Variants in BIVM observed in about 807,000 individuals in gnomAD.
BIVM encodes the protein basic, immunoglobulin-like variable motif containing, also known as basic immunoglobulin-like variable motif-containing protein.
In BIVM, 31 loss-of-function variants were observed where a neutral mutation model predicts 61.4. The ratio of observed to expected loss-of-function variants is 0.51; its 90% CI spans 0.38 to 0.68. The LOEUF (loss-of-function observed/expected upper bound fraction) is 0.68. Ranked by LOEUF, BIVM falls within the 30% of genes least tolerant of loss-of-function variation. The pLI, the probability that BIVM is intolerant of heterozygous loss-of-function variation, is 0.00. For synonymous variants in BIVM, 189 were observed against 210.7 expected, an observed-to-expected ratio of 0.90 and a Z score of 0.89; for missense variants, 526 against 596.0, an observed-to-expected ratio of 0.88 and a Z score of 1.22.
In BIVM at chr13:102,821,114, G is replaced by C; in HGVS notation, c.683G>C (p.Ser228Thr). Residue 228 changes from serine to threonine, a missense_variant, in exon 5 of 11, where the codon AGC becomes ACC. Transcript: ENST00000257336. ...ATTTCTTGTTGGAATTTCTTATACA[G>C]CACAATGGGAGCTGGAAAGTAAGTA... ...SLISCWNFLY[S>T]TMGAGNLPPI... is the part of the protein sequence containing the mutation. 5 of 1,612,374 alleles carry C rather than the reference G, an allele frequency of 3.1e-6. No individual in the cohort carries two copies. Among genetic ancestry groups the C allele is most frequent in the Non-Finnish European group, 3.4e-6 (4 of 1,179,596 alleles).
At position 102,830,471 on chromosome 13, in the gene BIVM, G is replaced by A. The variant is rs191731310; in HGVS notation, c.902-1094G>A. On this transcript the variant is annotated intron_variant, in intron 7 of 10. Transcript: ENST00000257336. The stretch of plus-strand genomic sequence containing the variant: ...ATGAAACCTCAGTTAATGGCTTTGA[G>A]TACTAAGTGCTGGTGAAAAGTCATT... Among the ~76,000 whole-genome samples the A allele has an allele frequency of 1.0e-3, 159 of 152,272 alleles. 2 individuals are homozygous for A. The Middle Eastern group carries it at 0.041, about 39-fold the overall frequency.
chr13:102,834,844 G>C (rs529221596), intron 9 of BIVM, among the ~76,000 whole-genome samples: 2 of 152,042 alleles, frequency 1.3e-5, no homozygotes, highest in Admixed American at 1.3e-4. Context: ...AATATCTTAA[G>C]TAACATTTTT....
rs2140492934 is a variant in BIVM at position 102,831,555 on chromosome 13, T to C, written c.902-10T>C. The C allele has an allele frequency of 6.2e-7, 1 of 1,614,072 alleles. No homozygotes were observed. The highest frequency in any genetic ancestry group is 1.6e-4 in the Middle Eastern group (1 of 6,062). Reference sequence around the variant, plus strand: ...GGCTTTCAGTTTGTGTGTTTGTTTGTTTTTAATAGCTTCAGGGGCCCTGTC... The same window carrying C: ...GGCTTTCAGTTTGTGTGTTTGTTTGCTTTTAATAGCTTCAGGGGCCCTGTC... On this transcript the variant is annotated splice_polypyrimidine_tract_variant and intron_variant, in intron 7 of 10. Transcript: ENST00000257336.
At position 102,839,595 on chromosome 13, in the gene BIVM, C is replaced by T; in HGVS notation, c.1242C>T (p.Ile414=). 1 of 1,614,168 alleles carries T rather than the reference C, an allele frequency of 6.2e-7. No homozygotes were observed. The highest frequency in any genetic ancestry group is 2.2e-5 in the East Asian group (1 of 44,884). ...TKKVGGNLHC[I]IAFQRLNWQR... ...AGGTTGGGGGAAATTTGCATTGCAT[C>T]ATAGCATTCCAGAGACTTAACTGGC... The change falls in exon 11 of 11, where the codon ATC becomes ATT. Residue 414 remains isoleucine, a synonymous_variant. Transcript: ENST00000257336.
chr13:102,838,713 G>A lies in BIVM; in HGVS notation c.1192G>A (p.Gly398Arg). Residue 398 changes from glycine (G) to arginine (R), a missense_variant, in exon 10 of 11, where the codon GGA (glycine) becomes AGA (arginine). Around this residue, in one of 3 missense-constraint regions of BIVM, gnomAD observed 210 missense variants for 233.1 expected, o/e 0.90. Transcript: ENST00000257336. Reference protein sequence around the residue: ...EYLDIRHLERGLQYRKTKKVG... With the variant: ...EYLDIRHLERRLQYRKTKKVG... ...CCTGGATATCCGGCACTTAGAGAGG[G>A]GACTGCAGTATAGAAAAACAAAGAA... 1.2e-6 allele frequency: 2 copies of A among 1,612,988 alleles called. No individual in the cohort carries two copies. Among genetic ancestry groups the A allele is most frequent in the Non-Finnish European group, 1.7e-6 (2 of 1,179,396 alleles).
Position 102,838,701 on chromosome 13 carries a change from C to T in BIVM, c.1180C>T (p.His394Tyr). 4 of 1,613,362 alleles carry T rather than the reference C, an allele frequency of 2.5e-6. No individual in the cohort carries two copies. The highest frequency in any genetic ancestry group is 3.4e-6 in the Non-Finnish European group (4 of 1,179,570). ...AAATCCAGAATACCTGGATATCCGG[C>T]ACTTAGAGAGGGGACTGCAGTATAG... ...TQNPEYLDIR[H>Y]LERGLQYRKT... The change falls in exon 10 of 11, where the codon CAC (histidine) becomes TAC (tyrosine). Residue 394 changes from histidine (H) to tyrosine (Y), a missense_variant. By Grantham distance (83) the His-to-Tyr change is moderately conservative (BLOSUM62 2). Around this residue, in one of 3 missense-constraint regions of BIVM, gnomAD observed 210 missense variants for 233.1 expected, o/e 0.90. Transcript: ENST00000257336.
chr13:102,820,980 C>T (rs1413996192), intron 4 of BIVM, 57 bp from the exon 5 acceptor site: 5 of 1,515,570 alleles, frequency 3.3e-6, no homozygotes, highest in South Asian at 2.4e-5. Flanking sequence ...TTTTCTATTT[C>T]TAGCATGCAT....
rs1488306310 is a variant in BIVM at position 102,812,546 on chromosome 13, A to G, written c.479-3882A>G. 2.6e-5 allele frequency among the ~76,000 whole-genome samples: 4 copies of G among 152,082 alleles called. No homozygotes were observed. In the East Asian group the frequency reaches 5.8e-4, roughly 22 times the overall value. On this transcript the variant is annotated intron_variant, in intron 3 of 10. Coordinates refer to ENST00000257336, the MANE Select transcript of BIVM (RefSeq NM_017693.4). ...TTTTAGTTTTTGTTTTTTGATTGCT[A>G]TAGGCTGTTTCTATGCTGGTAATCA...
chr13:102,817,500 A>G (rs1462671690), intron 4 of BIVM, among the ~76,000 whole-genome samples: 1 of 152,154 alleles, frequency 6.6e-6, no homozygotes, highest in African/African-American at 2.4e-5. Flanking sequence ...TTCTACATTG[A>G]CGAGTTCTTT....
At chr13:102,838,409 C>T (rs1225418160) in intron 9 of BIVM, among the ~76,000 whole-genome samples, 3 of 152,148 alleles carry the variant, frequency 2.0e-5, no homozygotes, top group Non-Finnish European at 2.9e-5. Flanking sequence ...TTTATTTATT[C>T]TGTAGGAAGA....
At chr13:102,837,764 G>A (rs577008340) in intron 9 of BIVM, among the ~76,000 whole-genome samples, 2 of 152,342 alleles carry the variant, frequency 1.3e-5, no homozygotes, top group African/African-American at 4.8e-5. Context: ...CTTGGGTGGA[G>A]CCGGAGGCCG....
intron 3 of BIVM, among the ~76,000 whole-genome samples, chr13:102,814,440 A>G (rs1879729707): frequency 6.6e-6 from 1 of 152,158 alleles, no homozygotes; most frequent in African/African-American, 2.4e-5. Context: ...AATAGGGGGC[A>G]AGGTCATGGA....
rs934619242 is a variant in BIVM at position 102,833,430 on chromosome 13, T to G, written c.1035-1036T>G. Among the ~76,000 whole-genome samples the G allele has an allele frequency of 3.5e-4, 51 of 147,622 alleles. 1 individual carries two copies. The highest frequency in any genetic ancestry group is 2.7e-3 in the Admixed American group (39 of 14,340). On this transcript the variant is annotated intron_variant, in intron 8 of 10. Coordinates refer to ENST00000257336, the MANE Select transcript of BIVM (RefSeq NM_017693.4). Reference sequence around the variant, plus strand: ...GCAGCCTCGACCTCCTGGGCTTAAGTGATCCTCCCACCTCAGCCTCCTGAG... The same window carrying G: ...GCAGCCTCGACCTCCTGGGCTTAAGGGATCCTCCCACCTCAGCCTCCTGAG...
chr13:102,811,693 T>C (rs1879507546), intron 3 of BIVM, among the ~76,000 whole-genome samples: 1 of 151,934 alleles, frequency 6.6e-6, no homozygotes, highest in African/African-American at 2.4e-5. Context: ...CTGGCTAATT[T>C]TGTATTTTTA....
At chr13:102,808,670 C>G (rs114580133) in intron 3 of BIVM, among the ~76,000 whole-genome samples, 1 of 152,030 alleles carries the variant, frequency 6.6e-6, no homozygotes, top group Non-Finnish European at 1.5e-5. Flanking sequence ...TAGGGCTATG[C>G]AAATCTTCTA....
chr13:102,830,040 G>T (rs1404719645), intron 7 of BIVM, among the ~76,000 whole-genome samples: 1 of 151,814 alleles, frequency 6.6e-6, no homozygotes, highest in Non-Finnish European at 1.5e-5. Flanking sequence ...CAGTGGTTTT[G>T]TTTTCTCCTA....
At chr13:102,829,168 T>TC (rs1880884629) in intron 7 of BIVM, among the ~76,000 whole-genome samples, 1 of 152,264 alleles carries the variant, frequency 6.6e-6, no homozygotes, top group African/African-American at 2.4e-5. Context: ...TATCTAGCAT[T>TC]CCTCTATAGA....
intron 5 of BIVM, 113 bp downstream of exon 5, chr13:102,821,245 C>A: frequency 1.1e-6 from 1 of 910,250 alleles, no homozygotes; most frequent in Non-Finnish European, 1.6e-6. Flanking sequence ...CAAAACCCTG[C>A]TGTATTTTAG....
intron 3 of BIVM, among the ~76,000 whole-genome samples, chr13:102,815,683 T>G (rs2139183241): frequency 6.6e-6 from 1 of 152,342 alleles, no homozygotes; most frequent in East Asian, 1.9e-4. Flanking sequence ...GGCTTCCTTT[T>G]GTCTAGCTCC....
Sources: gnomAD v4.1 joint callset for allele counts (sites outside exome capture counted in the v4.1 genomes callset) on GRCh38, gnomAD v4.1.1 for gene constraint, gnomAD v4.1.1 regional missense constraint, MANE v1.5 for transcripts, NCBI Gene and HGNC (gene_info 2026-07-23, HGNC 2026-07-21) for gene names.